Variants in CHD7 observed in about 807,000 individuals in gnomAD.
CHD7 encodes the protein chromodomain helicase DNA binding protein 7, also known as ATP-dependent chromatin remodeler CHD7.
In CHD7, 24 loss-of-function variants were observed where a neutral mutation model predicts 307.3. That is an observed-to-expected ratio of 0.08 (90% confidence interval 0.06 to 0.11). The LOEUF is 0.11. Among genes scored for constraint, CHD7 ranks in the 10% least tolerant of loss-of-function variants. The pLI is 1.00. For synonymous variants in CHD7, 1,363 were observed against 1,349.9 expected, an observed-to-expected ratio of 1.01 and a Z score of -0.21; for missense variants, 3,106 against 3,727.1, an observed-to-expected ratio of 0.83 and a Z score of 4.34.
intron 2 of CHD7, among the ~76,000 whole-genome samples, chr8:60,748,380 G>A (rs1390008213): frequency 1.3e-5 from 2 of 152,270 alleles, no homozygotes; most frequent in East Asian, 3.9e-4. Flanking sequence ...TGGAATGTAG[G>A]TCTGGGGCTT....
intron 1 of CHD7, among the ~76,000 whole-genome samples, chr8:60,701,762 GA>G (rs1231064982): frequency 3.3e-5 from 5 of 152,238 alleles, no homozygotes; most frequent in African/African-American, 1.2e-4. Flanking sequence ...GTGAACTTAT[GA>G]AATATTTTTA....
At chr8:60,699,012 G>T (rs932533889) in intron 1 of CHD7, among the ~76,000 whole-genome samples, 8 of 152,208 alleles carry the variant, frequency 5.3e-5, no homozygotes, top group Non-Finnish European at 1.0e-4. Flanking sequence ...TCCCAAAGAG[G>T]TGGGACTACA....
At position 60,816,447 on chromosome 8, in the gene CHD7, G is replaced by A. The variant is rs761086300; in HGVS notation, c.2559G>A (p.Gln853=). ...IEDLEKDKRI[Q]QKIKRFKAKQ... Reference sequence around the variant, plus strand: ...ATCTGGAAAAAGATAAGAGAATTCAGCAAAAAATTAAACGATTTAAGGCAA... The same window carrying A: ...ATCTGGAAAAAGATAAGAGAATTCAACAAAAAATTAAACGATTTAAGGCAA... The change falls in exon 8 of 38, where the codon CAG becomes CAA. Residue 853 remains glutamine, a synonymous_variant. Coordinates refer to ENST00000423902, the MANE Select transcript of CHD7 (RefSeq NM_017780.4). 2 of 1,610,628 alleles carry A rather than the reference G, an allele frequency of 1.2e-6. No homozygotes were observed. Among genetic ancestry groups the A allele is most frequent in the South Asian group, 1.1e-5 (1 of 90,138 alleles).
chr8:60,817,954 T>A (rs1397947174), intron 8 of CHD7, among the ~76,000 whole-genome samples: 1 of 152,164 alleles, frequency 6.6e-6, no homozygotes, highest in Non-Finnish European at 1.5e-5. Flanking sequence ...ATTTGTATTC[T>A]CTCTCCTGTA....
chr8:60,720,571 G>A (rs1333600825), intron 1 of CHD7, among the ~76,000 whole-genome samples: 2 of 152,186 alleles, frequency 1.3e-5, no homozygotes, highest in African/African-American at 4.8e-5. Context: ...CCATTGTGCT[G>A]TTGAGCCTCC....
At chr8:60,757,624 TG>T (rs1809961058) in intron 2 of CHD7, among the ~76,000 whole-genome samples, 2 of 152,298 alleles carry the variant, frequency 1.3e-5, no homozygotes, top group African/African-American at 2.4e-5. Flanking sequence ...TAATAATATT[TG>T]GGATGAGTGA....
intron 28 of CHD7, 38 bp downstream of exon 28, chr8:60,851,357 T>C (rs1368804212): frequency 2.0e-6 from 3 of 1,465,008 alleles, no homozygotes; most frequent in Non-Finnish European, 2.8e-6. Flanking sequence ...CGAGCAGACG[T>C]GCACTGAGCA....
At chr8:60,853,619 G>T in intron 31 of CHD7, 119 bp downstream of exon 31, 1 of 754,092 alleles carries the variant, frequency 1.3e-6, no homozygotes, top group South Asian at 3.1e-5. Context: ...ATTTTCTTCT[G>T]TGAAGGGATA....
chr8:60,734,331 C>T (rs1808598970), intron 1 of CHD7, among the ~76,000 whole-genome samples: 1 of 152,176 alleles, frequency 6.6e-6, no homozygotes, highest in African/African-American at 2.4e-5. Flanking sequence ...GCGTCTCTTA[C>T]CAGCTCCCGG....
intron 1 of CHD7, among the ~76,000 whole-genome samples, chr8:60,739,711 A>G (rs1369655056): frequency 6.6e-6 from 1 of 152,216 alleles, no homozygotes; most frequent in Non-Finnish European, 1.5e-5. Flanking sequence ...CATTTTCTGT[A>G]AGCAAAATTC....
chr8:60,711,703 G>T (rs533933503), intron 1 of CHD7, among the ~76,000 whole-genome samples: 2 of 152,294 alleles, frequency 1.3e-5, no homozygotes, highest in African/African-American at 4.8e-5. Flanking sequence ...GTCTACCATA[G>T]AAGTTATAAC....
intron 1 of CHD7, among the ~76,000 whole-genome samples, chr8:60,690,483 A>T (rs1016005602): frequency 2.6e-5 from 4 of 152,026 alleles, no homozygotes; most frequent in African/African-American, 9.7e-5. Flanking sequence ...TAAAAAAAAT[A>T]AAAAAAATAA....
At chr8:60,758,394 G>C (rs575650513) in intron 2 of CHD7, among the ~76,000 whole-genome samples, 1 of 152,126 alleles carries the variant, frequency 6.6e-6, no homozygotes, top group East Asian at 1.9e-4. Context: ...TGAGTGCTGG[G>C]ATTACAGGGA....
chr8:60,822,241 CTAAT>C (rs2150749597), intron 11 of CHD7, 96 bp downstream of exon 11: 1 of 1,080,272 alleles, frequency 9.3e-7, no homozygotes, highest in East Asian at 2.7e-5. Context: ...TGTTTTAACT[CTAAT>C]AAGAGCTTTT....
In CHD7 at chr8:60,706,815, T is replaced by A. The variant is rs192719613; in HGVS notation, c.-175+27733T>A. On this transcript the variant is annotated intron_variant, in intron 1 of 37. Transcript: ENST00000423902. ...GCTTAGTAATCTACAAAGATCTTTT[T>A]AAAATATATATATATTTATTATACT... Among the ~76,000 whole-genome samples the A allele has an allele frequency of 2.4e-4, 36 of 152,184 alleles. No individual in the cohort carries two copies. The East Asian group carries it at 6.0e-3, about 25-fold the overall frequency.
chr8:60,811,792 C>T (rs1586370366), intron 7 of CHD7, among the ~76,000 whole-genome samples: 1 of 151,874 alleles, frequency 6.6e-6, no homozygotes, highest in Non-Finnish European at 1.5e-5. Context: ...ATTTATGTTC[C>T]TGTCAACAAA....
intron 1 of CHD7, among the ~76,000 whole-genome samples, chr8:60,703,997 A>G (rs1806891933): frequency 1.3e-5 from 2 of 152,046 alleles, no homozygotes; most frequent in African/African-American, 4.8e-5. Flanking sequence ...AGTGTTGCCC[A>G]GCTCCACTTG....
At chr8:60,760,477 G>A in intron 2 of CHD7, among the ~76,000 whole-genome samples, 1 of 144,418 alleles carries the variant, frequency 6.9e-6, no homozygotes, top group Non-Finnish European at 1.5e-5. Context: ...GGCAACAAAA[G>A]CCAAAATTGA....
At chr8:60,842,403 C>T (rs964058902) in intron 21 of CHD7, among the ~76,000 whole-genome samples, 5 of 152,148 alleles carry the variant, frequency 3.3e-5, no homozygotes, top group Non-Finnish European at 4.4e-5. Context: ...TTATGACTGT[C>T]GTAAGCTTTT....
Sources: gnomAD v4.1 joint callset for allele counts (sites outside exome capture counted in the v4.1 genomes callset) on GRCh38, gnomAD v4.1.1 for gene constraint, MANE v1.5 for transcripts, NCBI Gene and HGNC (gene_info 2026-07-23, HGNC 2026-07-21) for gene names.